Variants in TMEM132B observed in about 807,000 individuals in gnomAD.
TMEM132B encodes transmembrane protein 132B.
In TMEM132B, 18 loss-of-function variants were observed where a neutral mutation model predicts 90.8. The ratio of observed to expected loss-of-function variants is 0.20; its 90% CI spans 0.14 to 0.29. TMEM132B has a LOEUF of 0.29. TMEM132B is among the 10% of genes least tolerant of loss of function. The pLI, the probability that TMEM132B is intolerant of heterozygous loss-of-function variation, is 1.00. For missense variants in TMEM132B, 1,096 were observed against 1,326.8 expected (o/e 0.83, Z 2.70); for synonymous variants, 504 against 523.3 (o/e 0.96, Z 0.50).
At chr12:125,340,119 T>C (rs954237885) in intron 1 of TMEM132B, among the ~76,000 whole-genome samples, 11 of 152,168 alleles carry the variant, frequency 7.2e-5, no homozygotes, top group African/African-American at 2.7e-4. Flanking sequence ...AAACACAGTT[T>C]GGAGAAAGTG....
chr12:125,513,378 G>A (rs1001808066), intron 3 of TMEM132B, among the ~76,000 whole-genome samples: 2 of 152,192 alleles, frequency 1.3e-5, no homozygotes, highest in African/African-American at 4.8e-5. Context: ...GCGAGAGCGT[G>A]CGTGTGCGAG....
intron 4 of TMEM132B, among the ~76,000 whole-genome samples, chr12:125,570,965 G>T (rs1884778398): frequency 6.6e-6 from 1 of 152,228 alleles, no homozygotes; most frequent in Admixed American, 6.5e-5. Context: ...ACACGTGGTT[G>T]TGACTTGGGC....
chr12:125,483,183 A>T (rs2136534006), intron 3 of TMEM132B, among the ~76,000 whole-genome samples: 1 of 152,274 alleles, frequency 6.6e-6, no homozygotes, highest in South Asian at 2.1e-4. Context: ...AACACGGCAC[A>T]TGTATACACA....
chr12:125,360,026 T>G (rs1480242511), intron 2 of TMEM132B, among the ~76,000 whole-genome samples: 1 of 152,186 alleles, frequency 6.6e-6, no homozygotes, highest in African/African-American at 2.4e-5. Flanking sequence ...TGCAGTGAGC[T>G]GAGATCGTGC....
chr12:125,628,630 C>T (rs1235568907), intron 5 of TMEM132B, among the ~76,000 whole-genome samples: 1 of 152,020 alleles, frequency 6.6e-6, no homozygotes, highest in African/African-American at 2.4e-5. Context: ...TTTCCTTTGA[C>T]ACGCAGAAGC....
intron 3 of TMEM132B, among the ~76,000 whole-genome samples, chr12:125,434,070 TAAGTC>T (rs1299977625): frequency 6.6e-6 from 1 of 152,226 alleles, no homozygotes; most frequent in East Asian, 1.9e-4. Context: ...CGCGGGGTGT[TAAGTC>T]AAGGCATTGC....
chr12:125,214,466 G>A (rs2136068088), intron 1 of TMEM132B, among the ~76,000 whole-genome samples: 1 of 152,288 alleles, frequency 6.6e-6, no homozygotes, highest in Non-Finnish European at 1.5e-5. Flanking sequence ...GCTAGCAGTA[G>A]GTCACGTGAC....
At chr12:125,417,223 G>A (rs1880041334) in intron 3 of TMEM132B, among the ~76,000 whole-genome samples, 1 of 146,624 alleles carries the variant, frequency 6.8e-6, no homozygotes, top group Non-Finnish European at 1.6e-5. Context: ...AGGGGGAGGC[G>A]GGGGGTCTCT....
At position 125,519,562 on chromosome 12, in the gene TMEM132B, G is replaced by A. The variant is rs536654427; in HGVS notation, c.1230G>A (p.Glu410=). Residue 410 remains glutamate (E), a synonymous_variant, in exon 4 of 9, where the codon GAG becomes GAA. Coordinates refer to ENST00000682704, the MANE Select transcript of TMEM132B (RefSeq NM_001366854.1). ...VEYPIEDSMS[E]LVVSEIFVSQ... is the part of the protein sequence containing the mutation. ...ACCCGATTGAGGACTCCATGAGTGA[G>A]CTGGTCGTCTCCGAGATCTTCGTCA... The A allele has an allele frequency of 1.7e-5, 28 of 1,614,110 alleles. No homozygotes were observed. The South Asian group carries it at 3.0e-4, about 17-fold the overall frequency.
In TMEM132B at chr12:125,500,459, G is replaced by A. The variant is rs186840093; in HGVS notation, c.1107-18980G>A. Among the ~76,000 whole-genome samples the A allele has an allele frequency of 1.1e-4, 16 of 152,282 alleles. No homozygotes were observed. The East Asian group carries it at 2.5e-3, about 24-fold the overall frequency. On this transcript the variant is annotated intron_variant, in intron 3 of 8. Transcript: ENST00000682704. ...AGACATTGCTAACTGTTCCCTGGGG[G>A]ACAAAGTTGGTGCCATTTGAGGACC... is the stretch of plus-strand genomic sequence containing the variant.
At chr12:125,295,435 T>G (rs1361564167) in intron 1 of TMEM132B, among the ~76,000 whole-genome samples, 2 of 150,890 alleles carry the variant, frequency 1.3e-5, no homozygotes, top group African/African-American at 4.9e-5. Context: ...CTGTATGTGG[T>G]GGCTTACAGG....
intron 4 of TMEM132B, among the ~76,000 whole-genome samples, chr12:125,540,135 C>G (rs190667058): frequency 5.5e-4 from 84 of 152,250 alleles, no homozygotes; most frequent in African/African-American, 1.9e-3. Context: ...AGATATCTTT[C>G]TATTACTGAT....
intron 3 of TMEM132B, among the ~76,000 whole-genome samples, chr12:125,495,097 CCG>C (rs2136577557): frequency 9.9e-6 from 1 of 101,436 alleles, no homozygotes; most frequent in Non-Finnish European, 2.0e-5. Context: ...CTGAAAATGG[CCG>C]CATCTCTCCT....
intron 2 of TMEM132B, among the ~76,000 whole-genome samples, chr12:125,403,550 C>G (rs1239036082): frequency 6.6e-6 from 1 of 152,160 alleles, no homozygotes; most frequent in Non-Finnish European, 1.5e-5. Flanking sequence ...TTCTCTAAAA[C>G]AAACTTAATG....
intron 5 of TMEM132B, among the ~76,000 whole-genome samples, chr12:125,643,403 G>A (rs1485376103): frequency 6.6e-6 from 1 of 152,142 alleles, no homozygotes; most frequent in Admixed American, 6.5e-5. Flanking sequence ...TGCTTATCCT[G>A]AAAATGTGAA....
chr12:125,212,464 G>A (rs1416801828), intron 1 of TMEM132B, among the ~76,000 whole-genome samples: 7 of 152,162 alleles, frequency 4.6e-5, no homozygotes, highest in African/African-American at 1.4e-4. Context: ...AGGCCGAGGC[G>A]GGTGGATCAT....
chr12:125,322,841 A>G (rs928793046), intron 1 of TMEM132B, among the ~76,000 whole-genome samples: 2 of 152,068 alleles, frequency 1.3e-5, no homozygotes, highest in African/African-American at 4.8e-5. Flanking sequence ...GTGTTCAGAG[A>G]TATTTCATGC....
intron 3 of TMEM132B, among the ~76,000 whole-genome samples, chr12:125,503,794 T>C (rs1882758716): frequency 6.6e-6 from 1 of 152,244 alleles, no homozygotes; most frequent in Non-Finnish European, 1.5e-5. Context: ...TCACACTTGC[T>C]CCTCAGGCCC....
At chr12:125,615,287 G>T (rs1310596596) in intron 5 of TMEM132B, among the ~76,000 whole-genome samples, 5 of 151,486 alleles carry the variant, frequency 3.3e-5, no homozygotes, top group Non-Finnish European at 5.9e-5. Flanking sequence ...ACTCTTCCTA[G>T]AATTCTCATC....
Sources: gnomAD v4.1 joint callset for allele counts (sites outside exome capture counted in the v4.1 genomes callset) on GRCh38, gnomAD v4.1.1 for gene constraint, MANE v1.5 for transcripts, NCBI Gene and HGNC (gene_info 2026-07-23, HGNC 2026-07-21) for gene names.